Variants in MAN2B2 observed in about 807,000 individuals in gnomAD.
The protein encoded by MAN2B2 is mannosidase alpha class 2B member 2.
In MAN2B2, 106 loss-of-function variants were observed where a neutral mutation model predicts 117.1. The ratio of observed to expected loss-of-function variants is 0.90; its 90% CI spans 0.77 to 1.06. MAN2B2 has a LOEUF of 1.06. Ranked by LOEUF, MAN2B2 falls within the 50% of genes least tolerant of loss-of-function variation. The pLI is 0.00. For missense variants in MAN2B2, 1,326 were observed against 1,381.4 expected, an observed-to-expected ratio of 0.96 and a Z score of 0.64; for synonymous variants, 544 against 595.1, an observed-to-expected ratio of 0.91 and a Z score of 1.25.
chr4:6,621,518 C>T lies in MAN2B2; in HGVS notation c.*233C>T. The T allele has an allele frequency of 2.0e-6, 1 of 493,788 alleles. No individual in the cohort carries two copies. The highest frequency in any genetic ancestry group is 3.6e-6 in the Non-Finnish European group (1 of 275,758). The allele number at this position is 493,788 out of a possible 1,614,324, so 30.6% of individuals were successfully genotyped here. A position where few individuals can be genotyped will look rare whatever the true frequency, so the allele number is the denominator to read the frequency against. ...CCACACTCAATCAAGCCAGCCCTCTCCTCTTCTGTCACGTAAAGGATATTT... is the reference window on the plus strand; with the variant it reads ...CCACACTCAATCAAGCCAGCCCTCTTCTCTTCTGTCACGTAAAGGATATTT... On this transcript the variant is annotated 3_prime_UTR_variant, in exon 19 of 19. Transcript: ENST00000285599.
In MAN2B2 at chr4:6,611,094, C is replaced by A; in HGVS notation, c.2379C>A (p.Leu793=). The part of the protein sequence containing the change: ...SQGNGQVEVM[L]HRRLWNNFDW... The stretch of plus-strand genomic sequence containing the variant: ...ACAATGCCTTCCCGCAGGTCATGCT[C>A]CACCGGCGGCTGTGGAACAACTTCG... The change falls in exon 15 of 19, where the codon CTC becomes CTA. Residue 793 remains leucine, a synonymous_variant. Coordinates refer to ENST00000285599, the MANE Select transcript of MAN2B2 (RefSeq NM_015274.3). The A allele has an allele frequency of 1.2e-6, 2 of 1,613,134 alleles. No homozygotes were observed. Among genetic ancestry groups the A allele is most frequent in the Non-Finnish European group, 1.7e-6 (2 of 1,179,408 alleles).
chr4:6,618,095 C>G (rs1711985548), intron 17 of MAN2B2: 1 of 153,522 alleles, frequency 6.5e-6, no homozygotes, highest in South Asian at 2.0e-4. Flanking sequence ...GGTGATCCAC[C>G]TGCCTCGGCC....
At chr4:6,586,915 C>A (rs1256456506) in intron 3 of MAN2B2, 81 bp from the exon 4 acceptor site, 1 of 1,389,046 alleles carries the variant, frequency 7.2e-7, no homozygotes, top group Non-Finnish European at 1.0e-6. Context: ...ACTGGATAGG[C>A]AGGGTCCCCT....
At chr4:6,614,113 G>A in intron 15 of MAN2B2, 105 bp from the exon 16 acceptor site, 2 of 1,414,830 alleles carry the variant, frequency 1.4e-6, no homozygotes. Context: ...GGATGCATGG[G>A]AAGTGGCTGG....
intron 16 of MAN2B2, among the ~76,000 whole-genome samples, chr4:6,614,991 A>T (rs1381078563): frequency 6.6e-6 from 1 of 152,232 alleles, no homozygotes; most frequent in Non-Finnish European, 1.5e-5. Flanking sequence ...CCAGAGCCCC[A>T]GCTGCACCTC....
In MAN2B2 at chr4:6,597,232, G is replaced by GC. The variant is rs764720472; in HGVS notation, c.1183dup (p.Arg395ProfsTer27). On this transcript the variant is annotated frameshift_variant, in exon 8 of 19. Transcript: ENST00000285599. LOFTEE classifies it high-confidence loss of function. Reference sequence around the variant, plus strand: ...CATGTTCACACGCTACCTGTGGCCGGCCCCCCGTGGGCATCTGGACCCCAC... The same window carrying GC: ...CATGTTCACACGCTACCTGTGGCCGGCCCCCCCGTGGGCATCTGGACCCCAC... 6.2e-7 allele frequency: 1 copy of GC among 1,605,260 alleles called. No individual in the cohort carries two copies. Among genetic ancestry groups the GC allele is most frequent in the Admixed American group, 1.7e-5 (1 of 59,088 alleles).
intron 3 of MAN2B2, among the ~76,000 whole-genome samples, chr4:6,584,664 T>C (rs1481309543): frequency 6.6e-6 from 1 of 152,224 alleles, no homozygotes; most frequent in Non-Finnish European, 1.5e-5. Flanking sequence ...TTTTCCTGTT[T>C]CCACCAAGTT....
intron 3 of MAN2B2, among the ~76,000 whole-genome samples, chr4:6,585,736 A>C (rs1055447468): frequency 1.3e-5 from 2 of 152,184 alleles, no homozygotes; most frequent in Non-Finnish European, 2.9e-5. Context: ...CAGGTGGGGC[A>C]GTGTCATCTG....
chr4:6,601,857 C>T (rs1250788641), intron 10 of MAN2B2, among the ~76,000 whole-genome samples: 1 of 152,226 alleles, frequency 6.6e-6, no homozygotes, highest in African/African-American at 2.4e-5. Context: ...AACTCCCAAC[C>T]TCCAAACCTT....
At chr4:6,576,475 C>A in intron 1 of MAN2B2, 103 bp from the exon 2 acceptor site, 1 of 1,394,262 alleles carries the variant, frequency 7.2e-7, no homozygotes, top group Non-Finnish European at 9.9e-7. Context: ...GAAGGAAGGG[C>A]AGAGCCCCCA....
intron 3 of MAN2B2, among the ~76,000 whole-genome samples, chr4:6,580,630 G>T (rs1273708278): frequency 1.3e-5 from 2 of 152,152 alleles, no homozygotes; most frequent in African/African-American, 4.8e-5. Flanking sequence ...GGAAATCTCT[G>T]AGTCTCTGCA....
chr4:6,578,544 T>C lies in MAN2B2; in HGVS notation c.391+46T>C, dbSNP rs527874288. ...ACCCAGGGTCCCTCAGGACCTCCAG[T>C]GGGGCTGGGACATGGTATCAGAACC... On this transcript the variant is annotated intron_variant, in intron 3 of 18. Coordinates refer to ENST00000285599, the MANE Select transcript of MAN2B2 (RefSeq NM_015274.3). 3.8e-5 allele frequency: 58 copies of C among 1,524,320 alleles called. No homozygotes were observed. The South Asian group carries it at 5.9e-4, about 15-fold the overall frequency. The allele number at this position is 1,524,320 out of a possible 1,614,324, so 94.4% of individuals were successfully genotyped here.
At chr4:6,601,318 A>G (rs1225880700) in intron 10 of MAN2B2, among the ~76,000 whole-genome samples, 1 of 152,240 alleles carries the variant, frequency 6.6e-6, no homozygotes, top group Admixed American at 6.5e-5. Context: ...ATCCTGGCCA[A>G]CATGGGGAAA....
In MAN2B2 at chr4:6,607,834, T is replaced by C. The variant is rs992728435; in HGVS notation, c.1815-1273T>C. Among the ~76,000 whole-genome samples the C allele has an allele frequency of 3.3e-5, 5 of 152,198 alleles. No individual in the cohort carries two copies. The South Asian group carries it at 6.2e-4, about 19-fold the overall frequency. On this transcript the variant is annotated intron_variant, in intron 11 of 18. Transcript: ENST00000285599. ...CCGTTTTCCAAAGCGGCTGCACCATTTTCTGTTCCTCCCAGCAGCAGATGA... is the reference window on the plus strand; with the variant it reads ...CCGTTTTCCAAAGCGGCTGCACCATCTTCTGTTCCTCCCAGCAGCAGATGA...
chr4:6,609,526 C>T (rs970186680), intron 12 of MAN2B2: 5 of 629,094 alleles, frequency 7.9e-6, no homozygotes, highest in Non-Finnish European at 1.4e-5. Flanking sequence ...GAGAGACCCA[C>T]AGACCCTGGG....
At position 6,622,457 on chromosome 4, in the gene MAN2B2, G is replaced by A. The variant is rs1368898758; in HGVS notation, c.*1172G>A. 4.6e-5 allele frequency: 6 copies of A among 131,068 alleles called. No homozygotes were observed. The highest frequency in any genetic ancestry group is 6.6e-5 in the Non-Finnish European group (4 of 60,318). 8.1% of individuals were successfully genotyped at this position (131,068 alleles called of 1,614,324 possible). On this transcript the variant is annotated 3_prime_UTR_variant, in exon 19 of 19. Transcript: ENST00000285599. ...TTTAAAACTTTTTTTTTTTTTTCCC[G>A]AGACAGAGTCTCACTCTGTCGCCCA...
chr4:6,611,003 G>A lies in MAN2B2; in HGVS notation c.2370+13G>A. On this transcript the variant is annotated intron_variant, in intron 14 of 18. Coordinates refer to ENST00000285599, the MANE Select transcript of MAN2B2 (RefSeq NM_015274.3). ...TGGGCAGGTGGAGGTAGGAGGCACG[G>A]TCTGTCCTACAGCAGCCCCTCGCGG... is the stretch of plus-strand genomic sequence containing the variant. 1 of 1,614,110 alleles carries A rather than the reference G, an allele frequency of 6.2e-7. No individual in the cohort carries two copies. Among genetic ancestry groups the A allele is most frequent in the Non-Finnish European group, 8.5e-7 (1 of 1,179,984 alleles).
chr4:6,592,817 G>GT (rs138691963), intron 5 of MAN2B2, among the ~76,000 whole-genome samples: 5,315 of 152,232 alleles, frequency 0.035, 293 homozygotes, highest in African/African-American at 0.12. Flanking sequence ...TTCCTCATGG[G>GT]TTTTTTGCAT....
rs1377940012 is a variant in MAN2B2 at position 6,594,688 on chromosome 4, C to G, written c.1013C>G (p.Thr338Ser). 1.2e-6 allele frequency: 2 copies of G among 1,612,838 alleles called. No individual in the cohort carries two copies. Among genetic ancestry groups the G allele is most frequent in the East Asian group, 4.5e-5 (2 of 44,880 alleles). Residue 338 changes from threonine (T) to serine (S), a missense_variant, in exon 7 of 19, where the codon ACC (threonine) becomes AGC (serine). Coordinates refer to ENST00000285599, the MANE Select transcript of MAN2B2 (RefSeq NM_015274.3). ...YFRALHALNV[T>S]WRVRDHHDFL... The stretch of plus-strand genomic sequence containing the variant: ...CGTGCCCTGCACGCTCTCAATGTCA[C>G]CTGGCGTGTCCGCGACCACCACGAC...
Sources: gnomAD v4.1 joint callset for allele counts (sites outside exome capture counted in the v4.1 genomes callset) on GRCh38, gnomAD v4.1.1 for gene constraint, MANE v1.5 for transcripts, NCBI Gene and HGNC (gene_info 2026-07-23, HGNC 2026-07-21) for gene names.